FRMPD3: variants seen among roughly 807,000 people sequenced by gnomAD.
FRMPD3 encodes the protein FERM and PDZ domain-containing protein 3.
In FRMPD3, 42 loss-of-function variants were observed where a neutral mutation model predicts 97.9. The observed-to-expected ratio is 0.43, with a 90% CI of 0.34 to 0.55. The LOEUF is 0.55. Ranked by LOEUF, FRMPD3 falls within the 20% of genes least tolerant of loss-of-function variation. The pLI is 0.03. For synonymous variants in FRMPD3, 577 were observed against 581.1 expected (o/e 0.99, Z 0.10); for missense variants, 1,303 against 1,457.7 (o/e 0.89, Z 1.73).
chrX:107,473,659 C>T (rs1432928217), intron 1 of FRMPD3, among the ~76,000 whole-genome samples: 1 of 112,374 alleles, frequency 8.9e-6, no homozygotes, highest in African/African-American at 3.2e-5. Flanking sequence ...TGTAATATGA[C>T]ACTCTTTTAC....
intron 1 of FRMPD3, among the ~76,000 whole-genome samples, chrX:107,470,163 G>A (rs1232290658): frequency 8.9e-6 from 1 of 112,475 alleles, no homozygotes; most frequent in Non-Finnish European, 1.9e-5. Context: ...TTGAGGAAAT[G>A]GATACTATTT....
intron 11 of FRMPD3, 128 bp from the exon 12 acceptor site, chrX:107,564,759 G>A: frequency 1.4e-6 from 1 of 692,167 alleles, no homozygotes; most frequent in Non-Finnish European, 2.2e-6. Flanking sequence ...CTGTGGCACT[G>A]AGCCCCAGAT....
chrX:107,450,103 G>T (rs1340101172), intron 1 of FRMPD3, among the ~76,000 whole-genome samples, 98 bp downstream of exon 1: 1 of 110,674 alleles, frequency 9.0e-6, no homozygotes, highest in Non-Finnish European at 1.9e-5. Context: ...CGGCTGGGGG[G>T]CGACTGGCGC....
At chrX:107,576,039 C>T (rs773643202) in intron 12 of FRMPD3, among the ~76,000 whole-genome samples, 1 of 112,133 alleles carries the variant, frequency 8.9e-6, no homozygotes. Flanking sequence ...ACAGCAGTCA[C>T]ATGAGGTTAT....
rs1180569090 is a variant in FRMPD3 at position 107,449,990 on chromosome X, G to A, written c.-23G>A. ...GGAGGAGGAGGAAGAGGAGGAGGAA[G>A]AGGAGGGGGAGGAAGGTAAGAGGCG... is the stretch of plus-strand genomic sequence containing the variant. On this transcript the variant is annotated 5_prime_UTR_variant, in exon 1 of 15. Coordinates refer to ENST00000683843, the MANE Select transcript of FRMPD3 (RefSeq NM_001388459.1). Among the ~76,000 whole-genome samples, 2 of 110,867 alleles carry A rather than the reference G, an allele frequency of 1.8e-5. No homozygotes were observed. The highest frequency in any genetic ancestry group is 6.5e-5 in the African/African-American group (2 of 30,842).
At chrX:107,509,731 T>C (rs1922121948) in intron 1 of FRMPD3, among the ~76,000 whole-genome samples, 1 of 110,360 alleles carries the variant, frequency 9.1e-6, no homozygotes, top group African/African-American at 3.3e-5. Context: ...AGTTGGGGCA[T>C]AGTCTCTTCT....
In FRMPD3 at chrX:107,488,414, G is replaced by A. The variant is rs775078469; in HGVS notation, c.-7-38168G>A. 3.6e-5 allele frequency among the ~76,000 whole-genome samples: 4 copies of A among 112,675 alleles called. No homozygotes were observed. In the South Asian group the frequency reaches 1.5e-3, roughly 41 times the overall value. On this transcript the variant is annotated intron_variant, in intron 1 of 14. Transcript: ENST00000683843. ...AAAGTTGGCAAAGCATTTGGAAAGT[G>A]ACTGTCTGTGTATCCACTTGAGGGA...
rs1217511713 is a variant in FRMPD3 at position 107,603,204 on chromosome X, A to C, written c.5165A>C (p.Gln1722Pro). The change falls in exon 15 of 15, where the codon CAA becomes CCA. Residue 1722 changes from glutamine (Q) to proline (P), a missense_variant. Transcript: ENST00000683843. ...ARNLNQQQQQ[Q>P]QQQQQQQQQQ... ...AACCTTAACCAGCAGCAGCAGCAAC[A>C]ACAACAGCAGCAGCAGCAACAACAA... The C allele has an allele frequency of 3.4e-6, 4 of 1,177,164 alleles. No individual in the cohort carries two copies. In the African/African-American group the frequency reaches 7.0e-5, roughly 21 times the overall value.
chrX:107,520,630 G>A (rs1348075646), intron 1 of FRMPD3, among the ~76,000 whole-genome samples: 1 of 111,662 alleles, frequency 9.0e-6, no homozygotes, highest in African/African-American at 3.3e-5. Flanking sequence ...ACTGGACAAT[G>A]AGAGTGAGAC....
intron 13 of FRMPD3, among the ~76,000 whole-genome samples, chrX:107,592,064 AATC>A (rs199824229): frequency 0.16 from 17,950 of 110,094 alleles, 3,342 homozygotes; most frequent in African/African-American, 0.54. Context: ...CCCAGTGTGT[AATC>A]ATCTTTTATT....
At chrX:107,585,369 A>G (rs1019002883) in intron 13 of FRMPD3, among the ~76,000 whole-genome samples, 1 of 111,687 alleles carries the variant, frequency 9.0e-6, no homozygotes, top group African/African-American at 3.3e-5. Context: ...TTCTAAATAT[A>G]CAATCATGTC....
rs1179577419 is a variant in FRMPD3, at chrX:107,467,021, TGTGA to T, written c.-8+17018_-8+17021del. ...GTGTGTGTGTGTGTGTGTGTGTGTG[TGTGA>T]GAGAGAGAGAGAGAGAAAGAGAGAG... On this transcript the variant is annotated intron_variant, in intron 1 of 14. Transcript: ENST00000683843. Among the ~76,000 whole-genome samples, 8 of 104,979 alleles carry T rather than the reference TGTGA, an allele frequency of 7.6e-5. No homozygotes were observed. In the South Asian group the frequency reaches 2.1e-3, roughly 28 times the overall value. 91.2% of individuals were successfully genotyped at this position (104,979 alleles called of 115,157 possible).
chrX:107,559,514 A>T (rs926641493), intron 8 of FRMPD3, among the ~76,000 whole-genome samples: 1 of 111,636 alleles, frequency 9.0e-6, no homozygotes, highest in Non-Finnish European at 1.9e-5. Flanking sequence ...ATCATTGATG[A>T]TGTATTCCTT....
At chrX:107,576,010 C>T (rs1255196792) in intron 12 of FRMPD3, among the ~76,000 whole-genome samples, 4 of 111,955 alleles carry the variant, frequency 3.6e-5, no homozygotes, top group Non-Finnish European at 7.5e-5. Flanking sequence ...TGAGCCCTGG[C>T]AAACACAAAT....
At chrX:107,564,761 G>A (rs890874484) in intron 11 of FRMPD3, 126 bp from the exon 12 acceptor site, 1 of 702,233 alleles carries the variant, frequency 1.4e-6, no homozygotes, top group Non-Finnish European at 2.2e-6. Flanking sequence ...GTGGCACTGA[G>A]CCCCAGATAT....
At position 107,601,685 on chromosome X, in the gene FRMPD3, C is replaced by A; in HGVS notation, c.3646C>A (p.Leu1216Ile). 1.7e-6 allele frequency: 2 copies of A among 1,211,303 alleles called. No individual in the cohort carries two copies. The highest frequency in any genetic ancestry group is 2.2e-6 in the Non-Finnish European group (2 of 895,496). ...KPKSSRGPFR[L>I]RNLFSATFPT... ...CAAGTCATCCCGAGGTCCTTTCCGG[C>A]TACGCAATTTATTCTCTGCCACCTT... Residue 1216 changes from leucine to isoleucine, a missense_variant, in exon 15 of 15, where the codon CTA (leucine) becomes ATA (isoleucine). By Grantham distance (5) the Leu-to-Ile change is conservative (BLOSUM62 2). This residue lies in a region of FRMPD3 where 764 missense variants were observed against 820.2 expected (regional missense o/e 0.93). Coordinates refer to ENST00000683843, the MANE Select transcript of FRMPD3 (RefSeq NM_001388459.1).
rs1924487821 is a variant in FRMPD3 at position 107,601,219 on chromosome X, T to C, written c.3180T>C (p.Pro1060=). The change falls in exon 15 of 15, where the codon CCT becomes CCC. Residue 1060 remains proline, a synonymous_variant. Transcript: ENST00000683843. ...QEDSLPVQNF[P]PKSYLLRTSR... is the part of the protein sequence containing the mutation. ...ACAGTCTGCCTGTTCAAAATTTCCC[T>C]CCCAAAAGCTATCTTTTGCGAACAA... 8.3e-7 allele frequency: 1 copy of C among 1,205,758 alleles called. No individual in the cohort carries two copies.
At chrX:107,584,232 A>C (rs768954627) in intron 13 of FRMPD3, among the ~76,000 whole-genome samples, 3 of 111,090 alleles carry the variant, frequency 2.7e-5, no homozygotes, top group Non-Finnish European at 5.7e-5. Context: ...GGCCGCGTAA[A>C]TGTCTTCTTT....
At chrX:107,491,066 G>C (rs996648953) in intron 1 of FRMPD3, among the ~76,000 whole-genome samples, 2 of 111,672 alleles carry the variant, frequency 1.8e-5, no homozygotes, top group African/African-American at 3.3e-5. Flanking sequence ...CTATTGGGTA[G>C]TAGAGTCAGG....
Sources: gnomAD v4.1 joint callset for allele counts (sites outside exome capture counted in the v4.1 genomes callset) on GRCh38, gnomAD v4.1.1 for gene constraint, gnomAD v4.1.1 regional missense constraint, MANE v1.5 for transcripts, NCBI Gene and HGNC (gene_info 2026-07-23, HGNC 2026-07-21) for gene names.